Variants in MCTP1 observed in about 807,000 individuals in gnomAD.
The protein encoded by MCTP1 is multiple C2 and transmembrane domain-containing protein 1.
MCTP1 carries 69 observed loss-of-function variants against 120.6 expected under a neutral mutation model. The ratio of observed to expected loss-of-function variants is 0.57; its 90% confidence interval spans 0.47 to 0.70. The LOEUF (loss-of-function observed/expected upper bound fraction) is 0.70. MCTP1 is among the 30% of genes least tolerant of loss of function. MCTP1 has a pLI of 0.00. For synonymous variants in MCTP1, 529 were observed against 493.1 expected (o/e 1.07, Z -0.96); for missense variants, 1,203 against 1,248.8 (o/e 0.96, Z 0.55).
intron 1 of MCTP1, among the ~76,000 whole-genome samples, chr5:95,243,159 C>T (rs1040913233): frequency 6.6e-6 from 1 of 151,692 alleles, no homozygotes; most frequent in Non-Finnish European, 1.5e-5. Context: ...ACGAAAGTAA[C>T]GGATAAGTAG....
intron 19 of MCTP1, among the ~76,000 whole-genome samples, chr5:94,728,849 G>A (rs1762602080): frequency 6.6e-6 from 1 of 152,072 alleles, no homozygotes; most frequent in Admixed American, 6.6e-5. Context: ...CATTTGAGTA[G>A]TATTTTGTTT....
intron 1 of MCTP1, among the ~76,000 whole-genome samples, chr5:95,082,770 G>A (rs1030563022): frequency 6.6e-6 from 1 of 152,092 alleles, no homozygotes; most frequent in Non-Finnish European, 1.5e-5. Context: ...ACTTGAGCTA[G>A]CTATATGCAA....
In MCTP1 at chr5:94,704,423, G is replaced by A. The variant is rs1435396526; in HGVS notation, c.*3073C>T. 2 of 151,156 alleles carry A rather than the reference G, an allele frequency of 1.3e-5. No individual in the cohort carries two copies. Among genetic ancestry groups the A allele is most frequent in the South Asian group, 2.1e-4 (1 of 4,814 alleles). 9.4% of individuals were successfully genotyped at this position (151,156 alleles called of 1,614,324 possible). A position where few individuals can be genotyped will look rare whatever the true frequency, so the allele number is the denominator to read the frequency against. On this transcript the variant is annotated 3_prime_UTR_variant, in exon 23 of 23. Transcript: ENST00000515393. ...TTAGGCCCATTTAACAAGTTTATTC[G>A]CTGAAATTACTGCCTTTGAATAACA...
At chr5:94,949,176 T>C (rs745624243) in intron 3 of MCTP1, among the ~76,000 whole-genome samples, 8 of 152,224 alleles carry the variant, frequency 5.3e-5, no homozygotes, top group African/African-American at 1.4e-4. Flanking sequence ...TTCCCCTTTA[T>C]GTTACTTTTA....
At chr5:94,840,967 C>T (rs1790888957) in intron 17 of MCTP1, among the ~76,000 whole-genome samples, 1 of 152,128 alleles carries the variant, frequency 6.6e-6, no homozygotes, top group African/African-American at 2.4e-5. Context: ...ACATACCACC[C>T]TTAGTGGCCA....
chr5:94,888,759 G>A (rs1051487489), intron 12 of MCTP1, 120 bp downstream of exon 12: 13 of 596,230 alleles, frequency 2.2e-5, no homozygotes, highest in Admixed American at 8.6e-5. Flanking sequence ...GATCATCCCT[G>A]AATCTTTAAA....
rs143589059 is a variant in MCTP1, at chr5:94,925,055, T to A, written c.1213-1034A>T. ...CTTCTGTCATCCATCAGCTAAAATT[T>A]ATATTTCATTTTACAACCCCTATTC... On this transcript the variant is annotated intron_variant, in intron 6 of 22. Transcript: ENST00000515393. 1.7e-3 allele frequency among the ~76,000 whole-genome samples: 257 copies of A among 152,344 alleles called. 1 individual carries two copies. The highest frequency in any genetic ancestry group is 6.0e-3 in the African/African-American group (248 of 41,574).
chr5:95,072,595 AAAG>A (rs1582153459), intron 1 of MCTP1, among the ~76,000 whole-genome samples: 1 of 152,224 alleles, frequency 6.6e-6, no homozygotes, highest in African/African-American at 2.4e-5. Flanking sequence ...TACTAGCTCC[AAAG>A]AAGATGTTTT....
At chr5:94,828,865 G>T (rs1377231541) in intron 17 of MCTP1, among the ~76,000 whole-genome samples, 1 of 152,212 alleles carries the variant, frequency 6.6e-6, no homozygotes, top group Non-Finnish European at 1.5e-5. Context: ...CAAGCCAGTG[G>T]ATCTTAGCTT....
chr5:95,262,034 G>A (rs992210446), intron 1 of MCTP1, among the ~76,000 whole-genome samples: 1 of 152,166 alleles, frequency 6.6e-6, no homozygotes, highest in African/African-American at 2.4e-5. Context: ...TTTGGGAGAG[G>A]CTGTGTCCTG....
chr5:94,710,712 C>T, intron 21 of MCTP1, 106 bp downstream of exon 21: 1 of 682,456 alleles, frequency 1.5e-6, no homozygotes, highest in South Asian at 2.0e-5. Flanking sequence ...GGAGTAGCTT[C>T]ATGACCATAA....
At chr5:95,014,742 A>G (rs1200165129) in intron 2 of MCTP1, among the ~76,000 whole-genome samples, 1 of 152,174 alleles carries the variant, frequency 6.6e-6, no homozygotes, top group Non-Finnish European at 1.5e-5. Flanking sequence ...TAGTTGATAA[A>G]GCAACAGCAG....
chr5:94,801,687 T>C (rs1445200296), intron 17 of MCTP1, among the ~76,000 whole-genome samples: 1 of 152,208 alleles, frequency 6.6e-6, no homozygotes, highest in African/African-American at 2.4e-5. Context: ...GTAATGTCCA[T>C]TCATTGGTGT....
At chr5:94,853,027 C>T (rs1489580949) in intron 17 of MCTP1, among the ~76,000 whole-genome samples, 1 of 151,906 alleles carries the variant, frequency 6.6e-6, no homozygotes, top group Non-Finnish European at 1.5e-5. Flanking sequence ...CAGAAAGCTG[C>T]AGTAATGTAA....
chr5:94,983,063 G>T (rs545238243), intron 2 of MCTP1, among the ~76,000 whole-genome samples: 1 of 152,040 alleles, frequency 6.6e-6, no homozygotes, highest in Non-Finnish European at 1.5e-5. Context: ...CACATGTAAA[G>T]TACCTTGGAC....
rs72775324 is a variant in MCTP1, at chr5:94,788,307, T to C, written c.2557-9144A>G. ...TAAAACATACTGTTTCAGTTCTATG[T>C]ACACAAGGGTAGAAACACCTTAAAG... On this transcript the variant is annotated intron_variant, in intron 18 of 22. Transcript: ENST00000515393. Among the ~76,000 whole-genome samples, 397 of 152,352 alleles carry C rather than the reference T, an allele frequency of 2.6e-3. 1 individual carries two copies. The highest frequency in any genetic ancestry group is 5.0e-3 in the Non-Finnish European group (338 of 68,028).
intron 1 of MCTP1, among the ~76,000 whole-genome samples, chr5:95,100,336 A>G (rs1023845717): frequency 2.0e-5 from 3 of 152,314 alleles, no homozygotes; most frequent in East Asian, 1.9e-4. Context: ...TTAGTGCTAT[A>G]TCAGCTAAAT....
At chr5:95,106,328 C>T (rs562749245) in intron 1 of MCTP1, among the ~76,000 whole-genome samples, 3 of 152,330 alleles carry the variant, frequency 2.0e-5, no homozygotes, top group Non-Finnish European at 2.9e-5. Flanking sequence ...AAAAGGCTAG[C>T]TGACAGGGCA....
chr5:94,772,486 G>A (rs1181359574), intron 19 of MCTP1, among the ~76,000 whole-genome samples: 1 of 152,152 alleles, frequency 6.6e-6, no homozygotes, highest in Non-Finnish European at 1.5e-5. Context: ...GACAAACCAG[G>A]ACAATCTCCC....
Sources: gnomAD v4.1 joint callset for allele counts (sites outside exome capture counted in the v4.1 genomes callset) on GRCh38, gnomAD v4.1.1 for gene constraint, MANE v1.5 for transcripts, NCBI Gene and HGNC (gene_info 2026-07-23, HGNC 2026-07-21) for gene names.